The following DLGAP4 variants were observed in gnomAD, a reference collection of about 807,000 sequenced individuals.
DLGAP4 encodes the protein DLG associated protein 4, also known as disks large-associated protein 4.
A neutral mutation model predicts 86.9 loss-of-function variants in DLGAP4; 18 were observed. The ratio of observed to expected loss-of-function variants is 0.21; its 90% CI spans 0.14 to 0.31. The LOEUF is 0.31. Ranked by LOEUF, DLGAP4 falls within the 10% of genes least tolerant of loss-of-function variation. The pLI is 1.00. For missense variants in DLGAP4, 1,085 were observed against 1,362.6 expected (o/e 0.80, Z 3.21); for synonymous variants, 548 against 574.3 (o/e 0.95, Z 0.65).
Position 36,496,707 on chromosome 20 carries a change from T to C in DLGAP4, c.1651T>C (p.Ser551Pro). 5 of 1,598,128 alleles carry C rather than the reference T, an allele frequency of 3.1e-6. No homozygotes were observed. The South Asian group carries it at 5.5e-5, about 18-fold the overall frequency. Residue 551 changes from serine to proline, a missense_variant and splice_region_variant, in exon 8 of 13, where the codon TCA becomes CCA. Coordinates refer to ENST00000339266, the MANE Select transcript of DLGAP4 (RefSeq NM_001365621.2). The part of the protein sequence containing the change: ...SLSNSRTLPS[S>P]SCLVAYKKTP... ...GCCCTTCTCTCATCCATCTGCAGGT[T>C]CATCATGCCTAGTGGCGTATAAGAA...
intron 2 of DLGAP4, among the ~76,000 whole-genome samples, chr20:36,396,299 CA>C (rs1415029917): frequency 3.1e-5 from 2 of 64,874 alleles, no homozygotes; most frequent in South Asian, 1.3e-3. Context: ...ATGATCATCC[CA>C]AACCCCTCAC....
rs1018158726 is a variant in DLGAP4, at chr20:36,407,286, G to A, written c.-72-24360G>A. On this transcript the variant is annotated intron_variant, in intron 2 of 12. Coordinates refer to ENST00000339266, the MANE Select transcript of DLGAP4 (RefSeq NM_001365621.2). ...AGGCTGGAGTTTAAGGCTGCAGTGAGCCATGATTGCATCAGGGCTGGAGTA... is the reference window on the plus strand; with the variant it reads ...AGGCTGGAGTTTAAGGCTGCAGTGAACCATGATTGCATCAGGGCTGGAGTA... Among the ~76,000 whole-genome samples, 8 of 152,184 alleles carry A rather than the reference G, an allele frequency of 5.3e-5. 1 individual carries two copies. The highest frequency in any genetic ancestry group is 1.2e-4 in the Non-Finnish European group (8 of 68,032).
intron 2 of DLGAP4, among the ~76,000 whole-genome samples, chr20:36,369,705 T>C (rs2030848156): frequency 6.6e-6 from 1 of 152,164 alleles, no homozygotes. Flanking sequence ...ACCTGGGTGG[T>C]GGTTACATGA....
Position 36,500,174 on chromosome 20 carries a change from C to T in DLGAP4, c.2100-25C>T, listed in dbSNP as rs1569520660. The T allele has an allele frequency of 6.6e-7, 1 of 1,513,942 alleles. No homozygotes were observed. The highest frequency in any genetic ancestry group is 1.3e-5 in the South Asian group (1 of 75,226). 93.8% of individuals were successfully genotyped at this position (1,513,942 alleles called of 1,614,324 possible). ...TTGGTGACTCACTCCTTCCTGTCCC[C>T]ACCCCATCCACCCCCTACCCACAGA... On this transcript the variant is annotated intron_variant, in intron 9 of 12. Transcript: ENST00000339266. The surrounding 1 kb of genome is among the most constrained non-coding windows in gnomAD (Gnocchi z 4.6).
chr20:36,467,374 A>G (rs1203714542), intron 7 of DLGAP4, among the ~76,000 whole-genome samples: 1 of 152,090 alleles, frequency 6.6e-6, no homozygotes, highest in Non-Finnish European at 1.5e-5. Flanking sequence ...CTGGATGATA[A>G]GTGTGCATTT....
intron 7 of DLGAP4, among the ~76,000 whole-genome samples, chr20:36,474,575 C>T (rs1203772153): frequency 6.6e-6 from 1 of 152,196 alleles, no homozygotes; most frequent in Non-Finnish European, 1.5e-5. Flanking sequence ...GGCTGTTGCC[C>T]TGCACAGGGA....
chr20:36,385,354 T>C (rs1228660612), intron 2 of DLGAP4, among the ~76,000 whole-genome samples: 7 of 152,126 alleles, frequency 4.6e-5, no homozygotes. Context: ...GCCCTGTAGA[T>C]GGTTTTCAGG....
At chr20:36,428,787 G>A (rs1253934217) in intron 2 of DLGAP4, among the ~76,000 whole-genome samples, 6 of 152,352 alleles carry the variant, frequency 3.9e-5, no homozygotes, top group South Asian at 2.1e-4. Flanking sequence ...AGTCTAAAAC[G>A]GATTGCAGAG....
intron 2 of DLGAP4, among the ~76,000 whole-genome samples, chr20:36,371,708 A>C (rs2030943558): frequency 6.6e-6 from 1 of 152,168 alleles, no homozygotes; most frequent in South Asian, 2.1e-4. Context: ...CATGGAGCTA[A>C]ATTTATTATT....
At chr20:36,314,910 T>G (rs2065082024) in intron 1 of DLGAP4, among the ~76,000 whole-genome samples, 1 of 127,826 alleles carries the variant, frequency 7.8e-6, no homozygotes, top group South Asian at 3.2e-4. Flanking sequence ...GTGTGATGTG[T>G]GGTGTGATGC....
chr20:36,400,434 A>T (rs556454437), intron 2 of DLGAP4, among the ~76,000 whole-genome samples: 1 of 152,354 alleles, frequency 6.6e-6, no homozygotes, highest in African/African-American at 2.4e-5. Context: ...TATGAGTCGT[A>T]TTATAAATTA....
chr20:36,406,397 C>CAAA (rs72014350), intron 2 of DLGAP4, among the ~76,000 whole-genome samples: 6 of 110,132 alleles, frequency 5.4e-5, no homozygotes, highest in South Asian at 3.1e-4. Context: ...GACTCCACCT[C>CAAA]AAAAAAAAAA....
At position 36,431,497 on chromosome 20, in the gene DLGAP4, C is replaced by A; in HGVS notation, c.-72-149C>A. ...TTTATTTATACACAGAGTACGTGGG[C>A]CTCGGTGTGTACTCCTGTCCTCAGG... On this transcript the variant is annotated intron_variant, in intron 2 of 12. Coordinates refer to ENST00000339266, the MANE Select transcript of DLGAP4 (RefSeq NM_001365621.2). This position sits in a 1 kb window ranked among gnomAD's most constrained non-coding sequence, Gnocchi z 5.1. 3.6e-6 allele frequency: 2 copies of A among 548,206 alleles called. No individual in the cohort carries two copies. The highest frequency in any genetic ancestry group is 6.4e-6 in the Non-Finnish European group (2 of 314,818). The allele number at this position is 548,206 out of a possible 1,614,324, so 34.0% of individuals were successfully genotyped here.
At chr20:36,452,023 G>A (rs867824036) in intron 7 of DLGAP4, among the ~76,000 whole-genome samples, 1 of 152,088 alleles carries the variant, frequency 6.6e-6, no homozygotes, top group Admixed American at 6.6e-5. Flanking sequence ...GCCTCCCAAA[G>A]TGCTGGAATT....
chr20:36,461,380 T>G (rs1485219416), intron 7 of DLGAP4: 1 of 869,342 alleles, frequency 1.2e-6, no homozygotes. Context: ...GGCCCGGGAG[T>G]CCCTGACGAC....
chr20:36,462,297 G>T, intron 7 of DLGAP4: 2 of 1,331,552 alleles, frequency 1.5e-6, no homozygotes, highest in Non-Finnish European at 1.9e-6. Context: ...TTCTCTCTCA[G>T]GTCTCCGAGC....
chr20:36,316,635 A>G (rs2065102867), intron 1 of DLGAP4, among the ~76,000 whole-genome samples: 1 of 152,116 alleles, frequency 6.6e-6, no homozygotes. Context: ...TTACCTGAGC[A>G]TTGTTGAGCC....
intron 7 of DLGAP4, chr20:36,461,662 C>CCCCCCCGCCCCGCCCCGG: frequency 8.3e-6 from 2 of 241,782 alleles, no homozygotes; most frequent in Non-Finnish European, 1.2e-5. Context: ...GGGGCCGCCC[C>CCCCCCCGCCCCGCCCCGG]GCCCGGCCCG....
In DLGAP4 at chr20:36,510,996, T is replaced by A. The variant is rs1043355907; in HGVS notation, c.2512+10385T>A. The A allele has an allele frequency of 2.6e-5, 4 of 152,216 alleles. No individual in the cohort carries two copies. In the East Asian group the frequency reaches 5.8e-4, roughly 22 times the overall value. 9.4% of individuals were successfully genotyped at this position (152,216 alleles called of 1,614,324 possible). ...TCCAATATAAATTATAGAATTTGTATATCAAGTTCCTCAGAAAAATTCTGT... is the reference window on the plus strand; with the variant it reads ...TCCAATATAAATTATAGAATTTGTAAATCAAGTTCCTCAGAAAAATTCTGT... On this transcript the variant is annotated intron_variant, in intron 10 of 12. Transcript: ENST00000339266.
Sources: gnomAD v4.1 joint callset for allele counts (sites outside exome capture counted in the v4.1 genomes callset) on GRCh38, gnomAD v4.1.1 for gene constraint, Gnocchi (gnomAD v3.1) non-coding constraint, MANE v1.5 for transcripts, NCBI Gene and HGNC (gene_info 2026-07-23, HGNC 2026-07-21) for gene names.